DMD: variants seen among roughly 807,000 people sequenced by gnomAD.
DMD encodes the protein dystrophin, also known as mutant dystrophin.
DMD carries 63 observed loss-of-function variants against 330.1 expected under a neutral mutation model. The ratio of observed to expected loss-of-function variants is 0.19; its 90% CI spans 0.16 to 0.24. DMD has a LOEUF of 0.24. DMD is among the 10% of genes least tolerant of loss of function. The probability of loss-of-function intolerance (pLI) is 1.00; values close to 1 mark genes in which losing one functional copy is unlikely to be tolerated. For missense variants in DMD, 3,344 were observed against 2,684.1 expected, an observed-to-expected ratio of 1.25 and a Z score of -5.43; for synonymous variants, 1,223 against 959.8, an observed-to-expected ratio of 1.27 and a Z score of -5.07.
chrX:32,922,545 C>T (rs1294068138), intron 2 of DMD, among the ~76,000 whole-genome samples: 1 of 112,323 alleles, frequency 8.9e-6, no homozygotes. Flanking sequence ...AAGCACATTA[C>T]AACATTTATC....
chrX:31,352,540 A>C, intron 60 of DMD, among the ~76,000 whole-genome samples: 1 of 67,475 alleles, frequency 1.5e-5, no homozygotes, highest in South Asian at 6.9e-4. Flanking sequence ...CTAGACTCCC[A>C]ATCTTCTCTC....
Position 31,729,704 on chromosome X carries a change from T to A in DMD, c.7587A>T (p.Glu2529Asp). 8.3e-7 allele frequency: 1 copy of A among 1,211,611 alleles called. No homozygotes were observed. Among genetic ancestry groups the A allele is most frequent in the Non-Finnish European group, 1.1e-6 (1 of 895,407 alleles). The change falls in exon 52 of 79, where the codon GAA becomes GAT. Residue 2529 changes from glutamate to aspartate, a missense_variant. Glu to Asp is a conservative substitution (Grantham distance 45). Transcript: ENST00000357033. Reference sequence around the variant, plus strand: ...TCAAATTTTGGGCAGCGGTAATGAGTTCTTCCAACTGGGGACGCCTCTGTT... The same window carrying A: ...TCAAATTTTGGGCAGCGGTAATGAGATCTTCCAACTGGGGACGCCTCTGTT... ...DLEQRRPQLE[E>D]LITAAQNLKN...
chrX:33,311,796 A>C (rs1334193831), intron 1 of DMD, among the ~76,000 whole-genome samples: 1 of 110,627 alleles, frequency 9.0e-6, no homozygotes, highest in Non-Finnish European at 1.9e-5. Context: ...CCATTTGCCA[A>C]GTGCCAAATG....
chrX:32,679,026 G>C (rs888971020), intron 9 of DMD, among the ~76,000 whole-genome samples: 2 of 111,550 alleles, frequency 1.8e-5, no homozygotes, highest in African/African-American at 3.3e-5. Context: ...AGTAAGATAA[G>C]TCTCAAAGTC....
In DMD at chrX:32,715,469, C is replaced by CAAAAAAAAA. The variant is rs61325834; in HGVS notation, c.650-16185_650-16177dup. Among the ~76,000 whole-genome samples, 48 of 17,222 alleles carry CAAAAAAAAA rather than the reference C, an allele frequency of 2.8e-3. 1 individual carries two copies. Among genetic ancestry groups the CAAAAAAAAA allele is most frequent in the Non-Finnish European group, 4.9e-3 (41 of 8,363 alleles). 15.0% of individuals were successfully genotyped at this position (17,222 alleles called of 115,157 possible). On this transcript the variant is annotated intron_variant, in intron 7 of 78. Coordinates refer to ENST00000357033, the MANE Select transcript of DMD (RefSeq NM_004006.3). Reference sequence around the variant, plus strand: ...ATCAGCCTGGTGACAGAGATTCCATCAAAAAAAAAAAAAAAAAAAAAAAAA... The same window carrying CAAAAAAAAA: ...ATCAGCCTGGTGACAGAGATTCCATCAAAAAAAAAAAAAAAAAAAAAAAAAAAAAAAAAA...
chrX:33,310,062 T>A (rs2053826146), intron 1 of DMD, among the ~76,000 whole-genome samples: 1 of 110,925 alleles, frequency 9.0e-6, no homozygotes, highest in African/African-American at 3.3e-5. Flanking sequence ...CCAAGGCACC[T>A]TTTTCTACTG....
At chrX:31,360,643 C>A (rs1042532959) in intron 60 of DMD, among the ~76,000 whole-genome samples, 1 of 112,321 alleles carries the variant, frequency 8.9e-6, no homozygotes, top group Non-Finnish European at 1.9e-5. Context: ...CTCAGACTCT[C>A]ACCCTAGGTG....
intron 37 of DMD, among the ~76,000 whole-genome samples, chrX:32,361,374 T>A: frequency 8.9e-6 from 1 of 111,735 alleles, no homozygotes; most frequent in East Asian, 2.8e-4. Flanking sequence ...GACAGTTAAC[T>A]ACTAAGTTCT....
At chrX:33,076,273 G>A (rs777505547) in intron 1 of DMD, among the ~76,000 whole-genome samples, 19 of 111,472 alleles carry the variant, frequency 1.7e-4, no homozygotes, top group Non-Finnish European at 3.4e-4. Context: ...AATGCTCAGG[G>A]AGACTGATTT....
chrX:31,564,091 C>G (rs949363035), intron 55 of DMD, among the ~76,000 whole-genome samples: 3 of 110,856 alleles, frequency 2.7e-5, no homozygotes, highest in African/African-American at 9.9e-5. Flanking sequence ...CCAAAGATTG[C>G]CAACAAACCA....
intron 1 of DMD, among the ~76,000 whole-genome samples, chrX:33,156,612 A>G (rs1370865689): frequency 8.9e-6 from 1 of 112,083 alleles, no homozygotes; most frequent in African/African-American, 3.2e-5. Context: ...ACAAAGTAGA[A>G]GGAGGAAAGA....
intron 2 of DMD, among the ~76,000 whole-genome samples, chrX:32,890,227 T>A (rs2085065297): frequency 9.0e-6 from 1 of 111,009 alleles, no homozygotes; most frequent in African/African-American, 3.3e-5. Flanking sequence ...AGTCAGTGAG[T>A]TTCTGAACTA....
At chrX:32,924,142 C>CA (rs1228381224) in intron 2 of DMD, among the ~76,000 whole-genome samples, 3 of 111,174 alleles carry the variant, frequency 2.7e-5, no homozygotes, top group Non-Finnish European at 3.8e-5. Flanking sequence ...CCAAAACAAA[C>CA]AAAAAAATGG....
chrX:31,759,186 G>T, intron 51 of DMD, among the ~76,000 whole-genome samples: 1 of 109,601 alleles, frequency 9.1e-6, no homozygotes, highest in Non-Finnish European at 1.9e-5. Context: ...TTCAGGAGGG[G>T]GTGAAGTAAC....
intron 52 of DMD, among the ~76,000 whole-genome samples, chrX:31,691,287 G>C (rs2083103765): frequency 9.0e-6 from 1 of 110,798 alleles, no homozygotes; most frequent in South Asian, 3.8e-4. Context: ...ATACATGAAT[G>C]ATAAAAACAA....
chrX:32,626,096 TG>T (rs1437495823), intron 11 of DMD, among the ~76,000 whole-genome samples: 2 of 112,617 alleles, frequency 1.8e-5, no homozygotes, highest in African/African-American at 6.5e-5. Context: ...TTTTAATGCA[TG>T]TTTTTACTTT....
intron 30 of DMD, among the ~76,000 whole-genome samples, chrX:32,407,618 A>G (rs2098123629): frequency 9.0e-6 from 1 of 110,933 alleles, no homozygotes; most frequent in Admixed American, 9.6e-5. Flanking sequence ...CCATCCCGTT[A>G]CTGGGTATAT....
chrX:31,555,519 C>G (rs2074756576), intron 55 of DMD, among the ~76,000 whole-genome samples: 1 of 112,137 alleles, frequency 8.9e-6, no homozygotes, highest in Admixed American at 9.4e-5. Flanking sequence ...TTCACAAGGT[C>G]TTAATTCAGG....
At chrX:33,132,793 C>T (rs148683714) in intron 1 of DMD, among the ~76,000 whole-genome samples, 1,920 of 112,008 alleles carry the variant, frequency 0.017, 38 homozygotes, top group African/African-American at 0.056. Context: ...AATCTTGGCA[C>T]GTTATGTTAT....
Sources: allele counts gnomAD v4.1 joint callset (sites outside exome capture counted in the v4.1 genomes callset), GRCh38; gene constraint gnomAD v4.1.1; transcripts MANE v1.5; gene names NCBI Gene and HGNC (gene_info 2026-07-23, HGNC 2026-07-21).